The following EDIL3 variants were observed in gnomAD, a reference collection of about 807,000 sequenced individuals.
The protein encoded by EDIL3 is EGF like and discoidin domains 3.
Under a neutral mutation model 67.4 loss-of-function variants are expected in EDIL3, and 37 were observed. That is an observed-to-expected ratio of 0.55 (90% CI 0.42 to 0.72). EDIL3 has a LOEUF of 0.72. Among genes scored for constraint, EDIL3 ranks in the 30% least tolerant of loss-of-function variants. The pLI is 0.00. For synonymous variants in EDIL3, 195 were observed against 196.3 expected, an observed-to-expected ratio of 0.99 and a Z score of 0.05; for missense variants, 527 against 586.3, an observed-to-expected ratio of 0.90 and a Z score of 1.04.
At chr5:84,143,821 C>G (rs1426355018) in intron 4 of EDIL3, among the ~76,000 whole-genome samples, 1 of 151,924 alleles carries the variant, frequency 6.6e-6, no homozygotes, top group Non-Finnish European at 1.5e-5. Context: ...AAAGAGCAAA[C>G]CACAACAAGG....
chr5:84,235,041 G>A (rs1744653547), intron 2 of EDIL3, among the ~76,000 whole-genome samples: 1 of 152,104 alleles, frequency 6.6e-6, no homozygotes, highest in Non-Finnish European at 1.5e-5. Flanking sequence ...ATTTAAATTT[G>A]TGAACTCAGT....
At chr5:84,135,834 C>A (rs972648455) in intron 5 of EDIL3, among the ~76,000 whole-genome samples, 1 of 151,122 alleles carries the variant, frequency 6.6e-6, no homozygotes, top group African/African-American at 2.4e-5. Context: ...TTTTTTTTTT[C>A]CCAATTCAAG....
At chr5:84,206,394 T>C (rs986115196) in intron 3 of EDIL3, among the ~76,000 whole-genome samples, 15 of 152,024 alleles carry the variant, frequency 9.9e-5, no homozygotes, top group African/African-American at 3.6e-4. Context: ...ATTCTGTTGA[T>C]TTGGGGTGGA....
At position 84,254,232 on chromosome 5, in the gene EDIL3, C is replaced by T. The variant is rs746538024; in HGVS notation, c.68-20G>A. 49 of 1,591,682 alleles carry T rather than the reference C, an allele frequency of 3.1e-5. No individual in the cohort carries two copies. The highest frequency in any genetic ancestry group is 2.7e-4 in the South Asian group (23 of 86,334). On this transcript the variant is annotated intron_variant, in intron 1 of 10. Coordinates refer to ENST00000296591, the MANE Select transcript of EDIL3 (RefSeq NM_005711.5). ...TATCACCTAAGGCATAAAAAAAAAC[C>T]GAAATTGACATTTTTTTTTTGTCTT...
At chr5:84,353,386 C>T (rs1747405134) in intron 1 of EDIL3, among the ~76,000 whole-genome samples, 1 of 152,142 alleles carries the variant, frequency 6.6e-6, no homozygotes, top group Admixed American at 6.5e-5. Context: ...GTAACTTAAA[C>T]TCACAACATT....
rs191948884 is a variant in EDIL3 at position 84,235,527 on chromosome 5, A to G, written c.197-5643T>C. The stretch of plus-strand genomic sequence containing the variant: ...TGTAAACATATATTGAATTTTTATT[A>G]GTCTCTCCCATTAGACTAAGAGTTT... On this transcript the variant is annotated intron_variant, in intron 2 of 10. Transcript: ENST00000296591. Among the ~76,000 whole-genome samples, 354 of 152,218 alleles carry G rather than the reference A, an allele frequency of 2.3e-3. 1 individual carries two copies. Among genetic ancestry groups the G allele is most frequent in the African/African-American group, 8.3e-3 (346 of 41,564 alleles).
intron 1 of EDIL3, among the ~76,000 whole-genome samples, chr5:84,342,118 A>T (rs532538527): frequency 6.6e-6 from 1 of 152,140 alleles, no homozygotes; most frequent in Non-Finnish European, 1.5e-5. Context: ...GTGTCCATCA[A>T]TGGATAACTG....
At chr5:84,377,024 T>C (rs1747980897) in intron 1 of EDIL3, among the ~76,000 whole-genome samples, 1 of 151,612 alleles carries the variant, frequency 6.6e-6, no homozygotes, top group Admixed American at 6.6e-5. Flanking sequence ...GGAAAGAAAA[T>C]GTGATAAAGA....
chr5:84,379,110 T>C (rs2112222173), intron 1 of EDIL3, among the ~76,000 whole-genome samples: 1 of 152,226 alleles, frequency 6.6e-6, no homozygotes, highest in South Asian at 2.1e-4. Flanking sequence ...AGAATGCCAC[T>C]GGAAACCGAC....
chr5:84,130,178 C>A (rs1301503117), intron 5 of EDIL3, among the ~76,000 whole-genome samples: 1 of 152,160 alleles, frequency 6.6e-6, no homozygotes, highest in Non-Finnish European at 1.5e-5. Flanking sequence ...AAAGGCTTCC[C>A]TGTCATAGGC....
intron 4 of EDIL3, among the ~76,000 whole-genome samples, chr5:84,177,520 T>C (rs756304227): frequency 6.6e-5 from 10 of 152,160 alleles, no homozygotes; most frequent in Non-Finnish European, 7.4e-5. Context: ...CATGATATTA[T>C]ACATTTTTCA....
chr5:84,130,613 G>C (rs1310543579), intron 5 of EDIL3, among the ~76,000 whole-genome samples: 2 of 151,788 alleles, frequency 1.3e-5, no homozygotes, highest in Non-Finnish European at 2.9e-5. Context: ...AGCTGGATAG[G>C]GAAGAGTAGG....
At chr5:84,104,849 C>G (rs1242674802) in intron 6 of EDIL3, among the ~76,000 whole-genome samples, 1 of 151,914 alleles carries the variant, frequency 6.6e-6, no homozygotes, top group African/African-American at 2.4e-5. Flanking sequence ...GTAAAGTGAA[C>G]AATCGGATAT....
chr5:84,160,182 A>G (rs1244000832), intron 4 of EDIL3, among the ~76,000 whole-genome samples: 2 of 152,166 alleles, frequency 1.3e-5, no homozygotes, highest in African/African-American at 4.8e-5. Flanking sequence ...GCCTCTGTCA[A>G]TACATGAGGT....
chr5:84,133,485 AAAT>A lies in EDIL3; in HGVS notation c.469+3753_469+3755del, dbSNP rs1354934699. On this transcript the variant is annotated intron_variant, in intron 5 of 10. Coordinates refer to ENST00000296591, the MANE Select transcript of EDIL3 (RefSeq NM_005711.5). ...AATACAAAAAAAAAAAAAAAAAAAA[AAAT>A]AGCCAGGAGTGGTGGTGCGTGCCTG... is the stretch of plus-strand genomic sequence containing the variant. 3.7e-3 allele frequency among the ~76,000 whole-genome samples: 559 copies of A among 149,502 alleles called. 2 individuals carry two copies. The highest frequency in any genetic ancestry group is 0.013 in the African/African-American group (534 of 40,174).
chr5:83,989,675 T>C (rs1177983433), intron 9 of EDIL3, among the ~76,000 whole-genome samples: 1 of 152,188 alleles, frequency 6.6e-6, no homozygotes, highest in Non-Finnish European at 1.5e-5. Context: ...GTGGCTCCCA[T>C]GATCTCCACT....
chr5:83,995,874 A>AT (rs1561397360), intron 9 of EDIL3, among the ~76,000 whole-genome samples: 1 of 152,134 alleles, frequency 6.6e-6, no homozygotes, highest in Non-Finnish European at 1.5e-5. Context: ...TGACAGACAT[A>AT]TTTTTTATCT....
At chr5:84,291,561 T>C (rs1430761592) in intron 1 of EDIL3, among the ~76,000 whole-genome samples, 1 of 151,270 alleles carries the variant, frequency 6.6e-6, no homozygotes, top group Non-Finnish European at 1.5e-5. Context: ...TAGACAAAAA[T>C]TGATACAAAG....
At chr5:84,250,646 C>G (rs1745007961) in intron 2 of EDIL3, among the ~76,000 whole-genome samples, 1 of 152,144 alleles carries the variant, frequency 6.6e-6, no homozygotes, top group Admixed American at 6.5e-5. Flanking sequence ...ATGTTTTTCT[C>G]TAAGCATGCA....
Sources: allele counts gnomAD v4.1 joint callset (sites outside exome capture counted in the v4.1 genomes callset), GRCh38; gene constraint gnomAD v4.1.1; transcripts MANE v1.5; gene names NCBI Gene and HGNC (gene_info 2026-07-23, HGNC 2026-07-21).